Variants in LRRIQ3 observed in about 807,000 individuals in gnomAD.
The protein encoded by LRRIQ3 is leucine-rich repeat and IQ domain-containing protein 3.
Under a neutral mutation model 59.3 loss-of-function variants are expected in LRRIQ3, and 75 were observed. The observed-to-expected ratio is 1.26, with a 90% CI of 1.05 to 1.53. LRRIQ3 has a LOEUF of 1.53. LRRIQ3 is among the 40% of genes most tolerant of loss of function. The pLI is 0.00. For missense variants in LRRIQ3, 831 were observed against 710.0 expected (o/e 1.17, Z -1.94); for synonymous variants, 250 against 231.3 (o/e 1.08, Z -0.73).
chr1:74,167,628 G>T (rs1649071185), intron 3 of LRRIQ3, among the ~76,000 whole-genome samples: 1 of 151,710 alleles, frequency 6.6e-6, no homozygotes, highest in African/African-American at 2.4e-5. Context: ...TGGGCTGGGG[G>T]TGAGAGATAA....
intron 7 of LRRIQ3, among the ~76,000 whole-genome samples, chr1:74,032,012 C>T (rs1018713346): frequency 5.1e-4 from 77 of 151,862 alleles, no homozygotes; most frequent in Non-Finnish European, 6.6e-4. Context: ...GTTATATCAT[C>T]TCAGAGATTA....
chr1:74,116,523 C>G (rs898439750), intron 4 of LRRIQ3, among the ~76,000 whole-genome samples: 1 of 151,848 alleles, frequency 6.6e-6, no homozygotes, highest in South Asian at 2.1e-4. Context: ...AAATAAAAAA[C>G]AATTGGATTA....
chr1:74,197,076 A>G (rs1651218274), intron 1 of LRRIQ3, among the ~76,000 whole-genome samples: 1 of 152,198 alleles, frequency 6.6e-6, no homozygotes, highest in Non-Finnish European at 1.5e-5. Flanking sequence ...GTTCTTCAAT[A>G]AGATACTGTT....
intron 6 of LRRIQ3, among the ~76,000 whole-genome samples, chr1:74,061,248 G>A (rs192612989): frequency 1.1e-3 from 164 of 152,210 alleles, no homozygotes; most frequent in African/African-American, 3.8e-3. Context: ...TCTCTCTCAT[G>A]AGAATTATAA....
At chr1:74,084,748 T>C (rs1001142866) in intron 5 of LRRIQ3, among the ~76,000 whole-genome samples, 2 of 151,700 alleles carry the variant, frequency 1.3e-5, no homozygotes, top group African/African-American at 4.8e-5. Flanking sequence ...AAAAGGAATA[T>C]GCCGTAAAAA....
At chr1:74,170,518 T>C (rs1162601285) in intron 3 of LRRIQ3, among the ~76,000 whole-genome samples, 1 of 152,174 alleles carries the variant, frequency 6.6e-6, no homozygotes, top group Non-Finnish European at 1.5e-5. Context: ...CGTTCTATTG[T>C]TCTATATGTC....
chr1:74,071,338 G>T (rs1489533021), intron 6 of LRRIQ3, among the ~76,000 whole-genome samples: 1 of 151,972 alleles, frequency 6.6e-6, no homozygotes, highest in African/African-American at 2.4e-5. Context: ...TGCCAGGATT[G>T]CTTCTGTTAA....
intron 6 of LRRIQ3, among the ~76,000 whole-genome samples, chr1:74,045,267 T>G (rs145423202): frequency 2.0e-5 from 3 of 152,162 alleles, no homozygotes; most frequent in African/African-American, 7.2e-5. Flanking sequence ...TCCACCACTA[T>G]CAAGTCAGCT....
At chr1:74,160,571 A>G (rs1046121656) in intron 3 of LRRIQ3, among the ~76,000 whole-genome samples, 1 of 151,926 alleles carries the variant, frequency 6.6e-6, no homozygotes, top group African/African-American at 2.4e-5. Context: ...CATCCTATTT[A>G]TAAATATTAC....
chr1:74,045,088 C>T (rs762654872), intron 6 of LRRIQ3, among the ~76,000 whole-genome samples: 14 of 151,942 alleles, frequency 9.2e-5, no homozygotes, highest in Non-Finnish European at 1.5e-4. Flanking sequence ...AGAAAAAGAG[C>T]GAATCCTCCT....
rs756291171 is a variant in LRRIQ3, at chr1:74,041,806, T to C, written c.1125A>G (p.Gln375=). 1.2e-5 allele frequency: 19 copies of C among 1,613,392 alleles called. No individual in the cohort carries two copies. The highest frequency in any genetic ancestry group is 4.2e-6 in the Non-Finnish European group (5 of 1,179,744). Residue 375 remains glutamine (Q), a synonymous_variant, in exon 7 of 8, where the codon CAA becomes CAG. Transcript: ENST00000354431. The part of the protein sequence containing the change: ...KNNAVLREKK[Q]HFFPAYPQPI... ...GCTGAGGATATGCAGGAAAAAAATG[T>C]TGTTTTTTCTCTCTCAATACTGCAT...
intron 5 of LRRIQ3, among the ~76,000 whole-genome samples, chr1:74,101,810 C>CA (rs1180762188): frequency 2.0e-5 from 3 of 151,664 alleles, no homozygotes; most frequent in Admixed American, 6.6e-5. Flanking sequence ...ATCACAAGGA[C>CA]AAAAAACCAA....
Position 74,167,475 on chromosome 1 carries a change from T to C in LRRIQ3, c.574-11609A>G, listed in dbSNP as rs183220398. Among the ~76,000 whole-genome samples the C allele has an allele frequency of 2.9e-3, 446 of 151,538 alleles. 1 individual carries two copies. The highest frequency in any genetic ancestry group is 0.01 in the African/African-American group (419 of 41,334). On this transcript the variant is annotated intron_variant, in intron 3 of 7. Coordinates refer to ENST00000354431, the MANE Select transcript of LRRIQ3 (RefSeq NM_001105659.2). ...AACCACCGTGACACATGTTTAACTA[T>C]GTAACAAACCTGCACATCCTGCACA...
intron 4 of LRRIQ3, among the ~76,000 whole-genome samples, chr1:74,112,698 T>C (rs572664335): frequency 5.9e-5 from 9 of 152,244 alleles, no homozygotes; most frequent in African/African-American, 1.4e-4. Flanking sequence ...AAGAGCAACA[T>C]AGCTGGCCAA....
At chr1:74,130,439 A>T (rs970013420) in intron 4 of LRRIQ3, among the ~76,000 whole-genome samples, 1 of 152,104 alleles carries the variant, frequency 6.6e-6, no homozygotes, top group African/African-American at 2.4e-5. Flanking sequence ...CTCTCTCCCA[A>T]GTGCAGATTC....
At chr1:74,061,528 T>C (rs568953656) in intron 6 of LRRIQ3, among the ~76,000 whole-genome samples, 1 of 152,240 alleles carries the variant, frequency 6.6e-6, no homozygotes, top group African/African-American at 2.4e-5. Flanking sequence ...TCACATTACC[T>C]GACTTCAAAC....
chr1:74,089,425 CA>C (rs768650177), intron 5 of LRRIQ3, among the ~76,000 whole-genome samples: 1 of 151,732 alleles, frequency 6.6e-6, no homozygotes, highest in Non-Finnish European at 1.5e-5. Flanking sequence ...AATGGAAAAA[CA>C]AAATGTGGCA....
At chr1:74,107,565 A>G (rs1368287791) in intron 5 of LRRIQ3, among the ~76,000 whole-genome samples, 3 of 150,002 alleles carry the variant, frequency 2.0e-5, no homozygotes, top group African/African-American at 7.3e-5. Flanking sequence ...AATGAATAAA[A>G]GAATAATATG....
chr1:74,185,160 G>T (rs577852449), intron 1 of LRRIQ3, among the ~76,000 whole-genome samples: 2 of 152,188 alleles, frequency 1.3e-5, no homozygotes, highest in East Asian at 3.9e-4. Context: ...AACTTACTTG[G>T]ATAAATACCA....
Sources: allele counts gnomAD v4.1 joint callset (sites outside exome capture counted in the v4.1 genomes callset), GRCh38; gene constraint gnomAD v4.1.1; transcripts MANE v1.5; gene names NCBI Gene and HGNC (gene_info 2026-07-23, HGNC 2026-07-21).